ANKAR: variants seen among roughly 807,000 people sequenced by gnomAD.
ANKAR encodes ankyrin and armadillo repeat containing.
A neutral mutation model predicts 146.2 loss-of-function variants in ANKAR; 136 were observed. The ratio of observed to expected loss-of-function variants is 0.93; its 90% CI spans 0.81 to 1.07. ANKAR has a LOEUF of 1.07. ANKAR is among the 50% of genes least tolerant of loss of function. ANKAR has a pLI of 0.00. For missense variants in ANKAR, 1,567 were observed against 1,679.9 expected (o/e 0.93, Z 1.18); for synonymous variants, 500 against 575.8 (o/e 0.87, Z 1.88).
chr2:189,687,103 C>T (rs181647160), intron 2 of ANKAR, among the ~76,000 whole-genome samples: 35 of 152,064 alleles, frequency 2.3e-4, no homozygotes, highest in African/African-American at 8.0e-4. Flanking sequence ...TTAATTATCC[C>T]CACTTCCCTC....
At chr2:189,679,090 A>G (rs369512670) in intron 2 of ANKAR, among the ~76,000 whole-genome samples, 5 of 152,142 alleles carry the variant, frequency 3.3e-5, no homozygotes, top group Non-Finnish European at 7.4e-5. Flanking sequence ...TGTGTCATCA[A>G]TGATTTCTTT....
chr2:189,677,112 T>C (rs2033818447), intron 2 of ANKAR, 21 bp downstream of exon 2: 1 of 1,427,744 alleles, frequency 7.0e-7, no homozygotes, highest in Non-Finnish European at 9.1e-7. Flanking sequence ...TTAACACTTC[T>C]TAAATTTTTT....
intron 9 of ANKAR, among the ~76,000 whole-genome samples, chr2:189,710,061 C>T (rs981162096): frequency 8.5e-5 from 13 of 152,240 alleles, no homozygotes; most frequent in Middle Eastern, 3.4e-3. Context: ...ATTTCCACTA[C>T]GCATAAAAGA....
At chr2:189,742,981 C>CT (rs2043594149) in intron 20 of ANKAR, among the ~76,000 whole-genome samples, 1 of 127,814 alleles carries the variant, frequency 7.8e-6, no homozygotes, top group Non-Finnish European at 1.6e-5. Context: ...CACACACACA[C>CT]CCCTGAAAGG....
chr2:189,741,503 T>C, intron 20 of ANKAR, 52 bp downstream of exon 20: 1 of 1,377,568 alleles, frequency 7.3e-7, no homozygotes, highest in Non-Finnish European at 1.0e-6. Context: ...AAAATATAAT[T>C]TACCTCTCCC....
intron 17 of ANKAR, among the ~76,000 whole-genome samples, chr2:189,734,308 C>T (rs1455991292): frequency 7.9e-5 from 12 of 152,156 alleles, no homozygotes; most frequent in Admixed American, 7.9e-4. Context: ...TCTTAGCATC[C>T]ATTGATGCAA....
At chr2:189,733,291 C>T in intron 17 of ANKAR, 62 bp downstream of exon 17, 1 of 1,364,250 alleles carries the variant, frequency 7.3e-7, no homozygotes, top group South Asian at 1.5e-5. Flanking sequence ...ACCACATCTT[C>T]AAATTATCAA....
chr2:189,676,623 G>C lies in ANKAR; in HGVS notation c.133G>C (p.Glu45Gln). The C allele has an allele frequency of 6.2e-7, 1 of 1,614,040 alleles. No individual in the cohort carries two copies. The highest frequency in any genetic ancestry group is 8.5e-7 in the Non-Finnish European group (1 of 1,179,990). ...AAAATATGATCGGAGTGAAATACAA[G>C]AGTTACTAACTACTGCACTAGTTAG... is the stretch of plus-strand genomic sequence containing the variant. Reference protein sequence around the residue: ...FEKYDRSEIQELLTTALVSWL... With the variant: ...FEKYDRSEIQQLLTTALVSWL... The change falls in exon 2 of 23, where the codon GAG (glutamate) becomes CAG (glutamine). Residue 45 changes from glutamate to glutamine, a missense_variant. Glu to Gln is a conservative substitution (Grantham distance 29). Coordinates refer to ENST00000684021, the MANE Select transcript of ANKAR (RefSeq NM_001378068.1).
At chr2:189,682,617 A>G (rs756627764) in intron 2 of ANKAR, among the ~76,000 whole-genome samples, 121 of 152,234 alleles carry the variant, frequency 7.9e-4, no homozygotes, top group Non-Finnish European at 2.6e-4. Flanking sequence ...TTTATGCTAC[A>G]TGATTAAAGA....
intron 2 of ANKAR, among the ~76,000 whole-genome samples, chr2:189,686,303 T>G (rs536784432): frequency 6.6e-6 from 1 of 152,310 alleles, no homozygotes; most frequent in Admixed American, 6.5e-5. Context: ...AAATGCCACA[T>G]TTTCTACAGT....
chr2:189,731,736 T>C (rs1307930747), intron 16 of ANKAR, among the ~76,000 whole-genome samples: 1 of 152,116 alleles, frequency 6.6e-6, no homozygotes, highest in Non-Finnish European at 1.5e-5. Flanking sequence ...GGTCTCTCAC[T>C]GTCAGCCAGG....
downstream of ANKAR, chr2:189,746,648 G>T: frequency 1.9e-6 from 3 of 1,551,328 alleles, no homozygotes; most frequent in East Asian, 2.3e-5. Context: ...TAGAATGAAA[G>T]GATTCCTGAG....
chr2:189,738,899 C>A (rs1397134083), intron 19 of ANKAR, among the ~76,000 whole-genome samples: 1 of 151,958 alleles, frequency 6.6e-6, no homozygotes, highest in African/African-American at 2.4e-5. Context: ...ACTCTGAATA[C>A]AGACTTTTTG....
At chr2:189,744,215 G>A (rs2043743784) in intron 21 of ANKAR, among the ~76,000 whole-genome samples, 1 of 152,140 alleles carries the variant, frequency 6.6e-6, no homozygotes, top group African/African-American at 2.4e-5. Context: ...TAAGTACAGA[G>A]AATGATGAGT....
Position 189,733,160 on chromosome 2 carries a change from G to A in ANKAR, c.3354G>A (p.Gln1118=). The part of the protein sequence containing the change: ...ACIVLGNDVL[Q]KDLHENEGFE... ...TTGTCCTAGGGAATGATGTGTTACA[G>A]AAAGACTTACATGAAAATGAAGGAT... Residue 1118 remains glutamine (Q), a synonymous_variant, in exon 17 of 23, where the codon CAG becomes CAA. Transcript: ENST00000684021. 1 of 1,612,850 alleles carries A rather than the reference G, an allele frequency of 6.2e-7. No individual in the cohort carries two copies. Among genetic ancestry groups the A allele is most frequent in the Non-Finnish European group, 8.5e-7 (1 of 1,179,334 alleles).
intron 8 of ANKAR, 63 bp downstream of exon 8, chr2:189,705,287 A>G: frequency 2.0e-6 from 3 of 1,495,088 alleles, no homozygotes; most frequent in Non-Finnish European, 2.7e-6. Context: ...AAAAAAAAAG[A>G]AGAAAGAAAA....
chr2:189,694,368 G>T (rs1454432296), intron 5 of ANKAR, among the ~76,000 whole-genome samples: 2 of 152,174 alleles, frequency 1.3e-5, no homozygotes, highest in African/African-American at 2.4e-5. Context: ...CATGGGAAGG[G>T]TACCTCATGG....
At chr2:189,694,859 A>G (rs1028218316) in intron 5 of ANKAR, 122 bp from the exon 6 acceptor site, 2 of 584,706 alleles carry the variant, frequency 3.4e-6, no homozygotes, top group Non-Finnish European at 5.5e-6. Flanking sequence ...GTTGACTACA[A>G]TTTAAACTAC....
rs568618403 is a variant in ANKAR at position 189,676,675 on chromosome 2, G to C, written c.185G>C (p.Arg62Pro). Residue 62 changes from arginine to proline, a missense_variant, in exon 2 of 23, where the codon CGC becomes CCC. Physicochemically the swap from Arg to Pro is moderately radical, Grantham distance 103 (BLOSUM62 -2). Transcript: ENST00000684021. The part of the protein sequence containing the change: ...VSWLSAKEDV[R>P]SQVDLPCGIM... ...TGGTTGTCTGCCAAAGAGGATGTGC[G>C]CTCTCAAGTAGACCTCCCATGTGGA... The C allele has an allele frequency of 6.4e-5, 103 of 1,614,018 alleles. No homozygotes were observed. The Admixed American group carries it at 1.7e-3, about 27-fold the overall frequency.
Sources: allele counts gnomAD v4.1 joint callset (sites outside exome capture counted in the v4.1 genomes callset), GRCh38; gene constraint gnomAD v4.1.1; transcripts MANE v1.5; gene names NCBI Gene and HGNC (gene_info 2026-07-23, HGNC 2026-07-21).